EIF4E2: variants seen among roughly 807,000 people sequenced by gnomAD.
The protein encoded by EIF4E2 is eukaryotic translation initiation factor 4E type 2.
Under a neutral mutation model 34.2 loss-of-function variants are expected in EIF4E2, and 13 were observed. The ratio of observed to expected loss-of-function variants is 0.38; its 90% confidence interval spans 0.25 to 0.60. The LOEUF is 0.60. Ranked by LOEUF, EIF4E2 falls within the 20% of genes least tolerant of loss-of-function variation. EIF4E2 has a pLI of 0.62. For missense variants in EIF4E2, 222 were observed against 315.1 expected (o/e 0.70, Z 2.24); for synonymous variants, 100 against 106.6 (o/e 0.94, Z 0.38).
intron 1 of EIF4E2, chr2:232,551,296 C>A (rs1424784009): frequency 1.1e-5 from 5 of 471,402 alleles, no homozygotes; most frequent in Non-Finnish European, 2.2e-5. Context: ...TACTTTCTTT[C>A]TCCTCCCCTT....
chr2:232,570,043 A>T (rs183974345), downstream of EIF4E2, among the ~76,000 whole-genome samples: 95 of 152,338 alleles, frequency 6.2e-4, no homozygotes, highest in African/African-American at 2.2e-3. Context: ...AAAACATAAT[A>T]AACAATCATT....
chr2:232,568,133 A>G (rs1692999802), intron 6 of EIF4E2: 1 of 985,298 alleles, frequency 1.0e-6, no homozygotes, highest in Non-Finnish European at 1.2e-6. Context: ...TACGGGGCCA[A>G]GTAGTAGTAT....
At chr2:232,561,395 A>G (rs1267617152) in intron 3 of EIF4E2, among the ~76,000 whole-genome samples, 1 of 151,780 alleles carries the variant, frequency 6.6e-6, no homozygotes, top group Non-Finnish European at 1.5e-5. Flanking sequence ...TTCAGTGTAT[A>G]TGTTAAGGAG....
chr2:232,571,907 T>G (rs1381304906), downstream of EIF4E2, among the ~76,000 whole-genome samples: 1 of 152,084 alleles, frequency 6.6e-6, no homozygotes, highest in Non-Finnish European at 1.5e-5. Flanking sequence ...TCCCTAAGTA[T>G]AGAGAGCAGT....
rs562401062 is a variant in EIF4E2, at chr2:232,559,579, A to G, written c.270+1561A>G. On this transcript the variant is annotated intron_variant, in intron 3 of 6. Transcript: ENST00000258416. ...TTCCTTCCAACATTATGATAGCCCT[A>G]TGAGGTCAGTGATATTATCCATGTT... is the stretch of plus-strand genomic sequence containing the variant. Among the ~76,000 whole-genome samples the G allele has an allele frequency of 3.3e-5, 5 of 152,300 alleles. No individual in the cohort carries two copies. The South Asian group carries it at 8.3e-4, about 25-fold the overall frequency.
intron 4 of EIF4E2, among the ~76,000 whole-genome samples, chr2:232,565,959 G>T (rs1304940487): frequency 6.6e-6 from 1 of 151,952 alleles, no homozygotes; most frequent in African/African-American, 2.4e-5. Flanking sequence ...GGGTGTGGTG[G>T]CATGTGCCTG....
At chr2:232,578,530 C>T (rs957500607) in intron 6 of EIF4E2, among the ~76,000 whole-genome samples, 1 of 151,564 alleles carries the variant, frequency 6.6e-6, no homozygotes, top group African/African-American at 2.4e-5. Flanking sequence ...ACTTGGGAGG[C>T]TGAGGCAGGA....
rs1692948442 is a variant in EIF4E2 at position 232,566,789 on chromosome 2, A to T, written c.376-40A>T. The T allele has an allele frequency of 1.7e-5, 27 of 1,611,750 alleles. No individual in the cohort carries two copies. Among genetic ancestry groups the T allele is most frequent in the Non-Finnish European group, 2.2e-5 (26 of 1,179,342 alleles). ...TGCCTTCATACAAAAAAAGGCTGTG[A>T]AACCATATTTTAACTTCAGTGCTTT... On this transcript the variant is annotated intron_variant, in intron 4 of 6. Transcript: ENST00000258416. The surrounding 1 kb of genome is among the most constrained non-coding windows in gnomAD (Gnocchi z 4.9).
chr2:232,567,214 A>G lies in EIF4E2; in HGVS notation c.665A>G (p.Lys222Arg). 6.2e-7 allele frequency: 1 copy of G among 1,614,186 alleles called. No homozygotes were observed. The highest frequency in any genetic ancestry group is 8.5e-7 in the Non-Finnish European group (1 of 1,180,024). ...MEYKTHTDSI[K>R]MPGRLGPQRL... ...TACAAAACTCACACCGACAGCATCA[A>G]GTACGTGTTGGGGGGTTATGGGAGG... Residue 222 changes from lysine to arginine, a missense_variant and splice_region_variant, in exon 6 of 7, where the codon AAA (lysine) becomes AGA (arginine). Physicochemically the swap from Lys to Arg is conservative, Grantham distance 26. This residue lies in a region of EIF4E2 where 105 missense variants were observed against 195.1 expected (regional missense o/e 0.54). Coordinates refer to ENST00000258416, the MANE Select transcript of EIF4E2 (RefSeq NM_004846.4).
At position 232,566,045 on chromosome 2, in the gene EIF4E2, T is replaced by C. The variant is rs1471427225; in HGVS notation, c.376-784T>C. On this transcript the variant is annotated intron_variant, in intron 4 of 6. Transcript: ENST00000258416. The surrounding 1 kb of genome is among the most constrained non-coding windows in gnomAD (Gnocchi z 4.9). The stretch of plus-strand genomic sequence containing the variant: ...AGGCAGAAGTGGCAGTGAGCCGATA[T>C]CGCACCACTGCACTCCAGACTGGGT... 6.6e-6 allele frequency among the ~76,000 whole-genome samples: 1 copy of C among 150,870 alleles called. No individual in the cohort carries two copies. The highest frequency in any genetic ancestry group is 2.4e-5 in the African/African-American group (1 of 40,898).
chr2:232,563,455 A>G (rs1692797411), intron 3 of EIF4E2, among the ~76,000 whole-genome samples: 1 of 151,954 alleles, frequency 6.6e-6, no homozygotes, highest in South Asian at 2.1e-4. Flanking sequence ...TGTGATGAAT[A>G]CAAATAAGCA....
intron 3 of EIF4E2, among the ~76,000 whole-genome samples, chr2:232,562,510 C>T (rs1388134875): frequency 2.0e-5 from 3 of 152,080 alleles, no homozygotes; most frequent in Non-Finnish European, 2.9e-5. Context: ...CACTTGAACC[C>T]AGAAGGCAGA....
Position 232,550,722 on chromosome 2 carries a change from A to T in EIF4E2, c.-3A>T. 1 of 1,585,700 alleles carries T rather than the reference A, an allele frequency of 6.3e-7. No homozygotes were observed. Among genetic ancestry groups the T allele is most frequent in the Admixed American group, 1.8e-5 (1 of 56,418 alleles). ...AGGCAGTGGCGACAGCGGCGGCGAG[A>T]GGATGAACAACAAGTTCGACGCGTG... is the stretch of plus-strand genomic sequence containing the variant. On this transcript the variant is annotated 5_prime_UTR_variant, in exon 1 of 7. Coordinates refer to ENST00000258416, the MANE Select transcript of EIF4E2 (RefSeq NM_004846.4).
At position 232,566,720 on chromosome 2, in the gene EIF4E2, A is replaced by G; in HGVS notation, c.376-109A>G. Reference sequence around the variant, plus strand: ...TTTCTATAGAGTTGAATAATTGGAAAGTGATATGACTTCTTAGTGTTTAAG... The same window carrying G: ...TTTCTATAGAGTTGAATAATTGGAAGGTGATATGACTTCTTAGTGTTTAAG... On this transcript the variant is annotated intron_variant, in intron 4 of 6. Coordinates refer to ENST00000258416, the MANE Select transcript of EIF4E2 (RefSeq NM_004846.4). The surrounding 1 kb of genome is among the most constrained non-coding windows in gnomAD (Gnocchi z 4.9). 8.1e-7 allele frequency: 1 copy of G among 1,235,936 alleles called. No individual in the cohort carries two copies. Among genetic ancestry groups the G allele is most frequent in the Non-Finnish European group, 1.1e-6 (1 of 885,856 alleles). The allele number at this position is 1,235,936 out of a possible 1,614,324, so 76.6% of individuals were successfully genotyped here.
intron 6 of EIF4E2, among the ~76,000 whole-genome samples, chr2:232,578,617 A>G (rs1170946513): frequency 6.6e-6 from 1 of 151,046 alleles, no homozygotes; most frequent in Admixed American, 6.6e-5. Context: ...GTGACACTCC[A>G]TCTCAAAAAA....
intron 4 of EIF4E2, among the ~76,000 whole-genome samples, chr2:232,564,754 TAA>T (rs1692859837): frequency 6.6e-6 from 1 of 152,188 alleles, no homozygotes; most frequent in Non-Finnish European, 1.5e-5. Context: ...CCCAGCTGGT[TAA>T]AAGTGTTTTA....
chr2:232,558,272 T>G, intron 3 of EIF4E2: 1 of 321,786 alleles, frequency 3.1e-6, no homozygotes, highest in East Asian at 5.6e-5. Context: ...AGATTTGGGT[T>G]TTTTTATTTT....
intron 6 of EIF4E2, among the ~76,000 whole-genome samples, chr2:232,580,692 C>A (rs992856998): frequency 3.3e-5 from 5 of 152,172 alleles, no homozygotes; most frequent in African/African-American, 1.2e-4. Context: ...TGTTTCTAAT[C>A]TTTTGCTGTT....
At chr2:232,568,225 TCAG>T in intron 6 of EIF4E2, 1 of 985,422 alleles carries the variant, frequency 1.0e-6, no homozygotes, top group Non-Finnish European at 1.2e-6. Context: ...GCAATTATGT[TCAG>T]CAGACAGACC....
Sources: allele counts gnomAD v4.1 joint callset (sites outside exome capture counted in the v4.1 genomes callset), GRCh38; gene constraint gnomAD v4.1.1; regional missense constraint gnomAD v4.1.1; non-coding constraint Gnocchi (gnomAD v3.1); transcripts MANE v1.5; gene names NCBI Gene and HGNC (gene_info 2026-07-23, HGNC 2026-07-21).